The following STARD13 variants were observed in gnomAD, a reference collection of about 807,000 sequenced individuals.
STARD13 encodes stAR-related lipid transfer protein 13.
STARD13 carries 62 observed loss-of-function variants against 106.4 expected under a neutral mutation model. The observed-to-expected ratio is 0.58, with a 90% CI of 0.48 to 0.72. The LOEUF (loss-of-function observed/expected upper bound fraction) is 0.72, where lower values mean the gene tolerates loss of function less well. Ranked by LOEUF, STARD13 falls within the 30% of genes least tolerant of loss-of-function variation. STARD13 has a pLI of 0.00. For synonymous variants in STARD13, 565 were observed against 553.0 expected (o/e 1.02, Z -0.31); for missense variants, 1,387 against 1,424.0 (o/e 0.97, Z 0.42).
chr13:33,111,278 A>T (rs373480494), intron 10 of STARD13, among the ~76,000 whole-genome samples: 45 of 152,332 alleles, frequency 3.0e-4, no homozygotes, highest in Middle Eastern at 3.4e-3. Flanking sequence ...AACATCAAAC[A>T]TGACTTGGGA....
chr13:33,104,951 C>T lies in STARD13; in HGVS notation c.*642G>A, dbSNP rs1360164353. 2 of 153,124 alleles carry T rather than the reference C, an allele frequency of 1.3e-5. No individual in the cohort carries two copies. Among genetic ancestry groups the T allele is most frequent in the Non-Finnish European group, 2.9e-5 (2 of 68,036 alleles). The allele number at this position is 153,124 out of a possible 1,614,324, so 9.5% of individuals were successfully genotyped here. A position where few individuals can be genotyped will look rare whatever the true frequency, so the allele number is the denominator to read the frequency against. ...CCTTGCTTTATCCCAGATCTCCACTCTCAGTTTTTGAATAGCAGAAACAAA... is the reference window on the plus strand; with the variant it reads ...CCTTGCTTTATCCCAGATCTCCACTTTCAGTTTTTGAATAGCAGAAACAAA... On this transcript the variant is annotated 3_prime_UTR_variant, in exon 14 of 14. Transcript: ENST00000336934.
rs376997340 is a variant in STARD13 at position 33,283,005 on chromosome 13, C to T, written c.169+2465G>A. Among the ~76,000 whole-genome samples the T allele has an allele frequency of 1.5e-3, 225 of 152,148 alleles. 1 individual carries two copies. Among genetic ancestry groups the T allele is most frequent in the African/African-American group, 5.2e-3 (214 of 41,528 alleles). ...TGATCACACCACTGCACTCCAGCCTCGGCGACAGAGTAAGACTCTGTCTCA... is the reference window on the plus strand; with the variant it reads ...TGATCACACCACTGCACTCCAGCCTTGGCGACAGAGTAAGACTCTGTCTCA... On this transcript the variant is annotated intron_variant, in intron 1 of 13. Coordinates refer to ENST00000336934, the MANE Select transcript of STARD13 (RefSeq NM_178006.4).
At chr13:33,202,544 G>A (rs780688223) in intron 1 of STARD13, among the ~76,000 whole-genome samples, 2 of 152,180 alleles carry the variant, frequency 1.3e-5, no homozygotes, top group East Asian at 1.9e-4. Flanking sequence ...CTGTCTTTGC[G>A]GAGCCTAGGG....
chr13:33,487,250 G>A, the STARD13 span, among the ~76,000 whole-genome samples: 2 of 152,150 alleles, frequency 1.3e-5, no homozygotes, highest in African/African-American at 4.8e-5. Flanking sequence ...TGCTGATGCT[G>A]TTGCTGTAGT....
At position 33,129,912 on chromosome 13, in the gene STARD13, C is replaced by T. The variant is rs1029753057; in HGVS notation, c.765G>A (p.Arg255=). Reference sequence around the variant, plus strand: ...CCATGCGTTTCAAAAATGATTTGGCCCTAGCCCTCGTGGGCTTCTCATTCT... The same window carrying T: ...CCATGCGTTTCAAAAATGATTTGGCTCTAGCCCTCGTGGGCTTCTCATTCT... ...HPKNEKPTRA[R]AKSFLKRMET... Residue 255 remains arginine, a synonymous_variant, in exon 5 of 14, where the codon AGG becomes AGA. Coordinates refer to ENST00000336934, the MANE Select transcript of STARD13 (RefSeq NM_178006.4). 1.2e-6 allele frequency: 2 copies of T among 1,613,276 alleles called. No homozygotes were observed. Among genetic ancestry groups the T allele is most frequent in the Non-Finnish European group, 1.7e-6 (2 of 1,179,996 alleles).
At chr13:33,673,268 C>T in the STARD13 span, among the ~76,000 whole-genome samples, 1 of 152,154 alleles carries the variant, frequency 6.6e-6, no homozygotes, top group Non-Finnish European at 1.5e-5. Context: ...TTCCCTTTGA[C>T]CTATTTTACT....
intron 1 of STARD13, among the ~76,000 whole-genome samples, chr13:33,198,972 C>A (rs1406628485): frequency 6.6e-6 from 1 of 152,208 alleles, no homozygotes; most frequent in African/African-American, 2.4e-5. Context: ...TTTCCAATCG[C>A]CTTTCCCAAT....
At chr13:33,535,046 C>T in the STARD13 span, among the ~76,000 whole-genome samples, 1 of 151,870 alleles carries the variant, frequency 6.6e-6, no homozygotes. Context: ...TGAAACTCAT[C>T]TCTATTAAAA....
At chr13:33,182,290 A>T (rs1885315404) in intron 1 of STARD13, among the ~76,000 whole-genome samples, 1 of 152,210 alleles carries the variant, frequency 6.6e-6, no homozygotes, top group African/African-American at 2.4e-5. Flanking sequence ...GCTGTATGAG[A>T]TGCATCTGGT....
intron 3 of STARD13, among the ~76,000 whole-genome samples, chr13:33,165,052 A>G (rs1432179792): frequency 1.3e-5 from 2 of 151,654 alleles, no homozygotes; most frequent in African/African-American, 4.9e-5. Flanking sequence ...TCTGAAATAA[A>G]CTTTCCCCCT....
At chr13:33,319,044 T>C (rs76912425) in intron 1 of STARD13, among the ~76,000 whole-genome samples, 5 of 89,952 alleles carry the variant, frequency 5.6e-5, no homozygotes, top group Admixed American at 1.1e-4. Context: ...ATTCCACTCA[T>C]AGATCTACAC....
In STARD13 at chr13:33,130,206, G is replaced by A. The variant is rs377016377; in HGVS notation, c.471C>T (p.Asp157=). The A allele has an allele frequency of 2.4e-5, 39 of 1,612,326 alleles. No homozygotes were observed. The highest frequency in any genetic ancestry group is 1.6e-4 in the Middle Eastern group (1 of 6,084). ...QRTSRRWSRV[D]DLYTLLPRGD... The stretch of plus-strand genomic sequence containing the variant: ...CTCGAGGGAGCAGCGTGTAGAGGTC[G>A]TCCACACGAGACCACCTGCGACTGG... The change falls in exon 5 of 14, where the codon GAC becomes GAT. Residue 157 remains aspartate (D), a synonymous_variant. Transcript: ENST00000336934. This position sits in a 1 kb window ranked among gnomAD's most constrained non-coding sequence, Gnocchi z 4.1.
chr13:33,475,255 A>G, the STARD13 span, among the ~76,000 whole-genome samples: 45,485 of 152,038 alleles, frequency 0.3, 7,676 homozygotes, highest in Non-Finnish European at 0.39. Context: ...TCTTAAGGTT[A>G]CTAAGAATAA....
intron 1 of STARD13, chr13:33,336,757 G>GAAAAA (rs113858591): frequency 0.023 from 2,636 of 113,556 alleles, 156 homozygotes; most frequent in African/African-American, 0.071. Flanking sequence ...CCCTGTATCA[G>GAAAAA]AAAAAAAAAA....
the STARD13 span, among the ~76,000 whole-genome samples, chr13:33,404,081 G>A: frequency 1.3e-5 from 2 of 152,222 alleles, no homozygotes; most frequent in East Asian, 1.9e-4. Context: ...ATACGCAGAA[G>A]AGGCTGATAA....
intron 4 of STARD13, among the ~76,000 whole-genome samples, chr13:33,140,851 C>T (rs955060684): frequency 3.3e-5 from 5 of 151,702 alleles, no homozygotes; most frequent in Non-Finnish European, 5.9e-5. Flanking sequence ...CTCCGCCTCC[C>T]GGGTTCAAGT....
chr13:33,318,480 T>G (rs1390606802), intron 1 of STARD13, among the ~76,000 whole-genome samples: 1 of 152,182 alleles, frequency 6.6e-6, no homozygotes, highest in Non-Finnish European at 1.5e-5. Context: ...TATAAAACTC[T>G]TAGAAGAAAA....
At chr13:33,136,943 C>G (rs1879144203) in intron 4 of STARD13, among the ~76,000 whole-genome samples, 2 of 152,208 alleles carry the variant, frequency 1.3e-5, no homozygotes, top group Non-Finnish European at 2.9e-5. Flanking sequence ...GGCCACAGAG[C>G]AGGGTGACAG....
chr13:33,497,226 T>C, the STARD13 span, among the ~76,000 whole-genome samples: 2 of 152,174 alleles, frequency 1.3e-5, no homozygotes, highest in African/African-American at 4.8e-5. Flanking sequence ...TGCAAATGTA[T>C]GTTGTTGACG....
Sources: gnomAD v4.1 joint callset for allele counts (sites outside exome capture counted in the v4.1 genomes callset) on GRCh38, gnomAD v4.1.1 for gene constraint, Gnocchi (gnomAD v3.1) non-coding constraint, MANE v1.5 for transcripts, NCBI Gene and HGNC (gene_info 2026-07-23, HGNC 2026-07-21) for gene names.